MIPOL1: variants seen among roughly 807,000 people sequenced by gnomAD.
MIPOL1 encodes mirror-image polydactyly gene 1 protein.
Under a neutral mutation model 60.9 loss-of-function variants are expected in MIPOL1, and 57 were observed. That is an observed-to-expected ratio of 0.94 (90% confidence interval 0.76 to 1.17). The LOEUF (loss-of-function observed/expected upper bound fraction) is 1.17, where lower values mean the gene tolerates loss of function less well. MIPOL1 is among the 50% of genes most tolerant of loss of function. MIPOL1 has a pLI of 0.00. For missense variants in MIPOL1, 551 were observed against 511.6 expected (o/e 1.08, Z -0.74); for synonymous variants, 179 against 168.8 (o/e 1.06, Z -0.47).
rs962245808 is a variant in MIPOL1 at position 37,200,898 on chromosome 14, G to T, written c.-199+2794G>T. 4.1e-3 allele frequency among the ~76,000 whole-genome samples: 173 copies of T among 42,390 alleles called. 14 individuals carry two copies. The highest frequency in any genetic ancestry group is 0.018 in the African/African-American group (145 of 8,206). The allele number at this position is 42,390 out of a possible 152,430, so 27.8% of individuals were successfully genotyped here. A position where few individuals can be genotyped will look rare whatever the true frequency, so the allele number is the denominator to read the frequency against. On this transcript the variant is annotated intron_variant, in intron 1 of 12. Transcript: ENST00000684589. ...TGTGTGTGTGTGTGTGTGTGTGTGT[G>T]TATTTTTTTTTTTTTTTTTTTTGAG...
chr14:37,521,920 T>TTTTTC (rs398024815), intron 12 of MIPOL1, among the ~76,000 whole-genome samples: 2 of 142,460 alleles, frequency 1.4e-5, no homozygotes, highest in African/African-American at 5.1e-5. Context: ...ATTTTTTTTT[T>TTTTTC]CTTTGGCTTC....
At chr14:37,443,968 T>A (rs2094292770) in intron 11 of MIPOL1, among the ~76,000 whole-genome samples, 1 of 152,134 alleles carries the variant, frequency 6.6e-6, no homozygotes, top group Non-Finnish European at 1.5e-5. Flanking sequence ...TTGTTCAGTC[T>A]GACTGATAAA....
At position 37,381,481 on chromosome 14, in the gene MIPOL1, A is replaced by T. The variant is rs538880664; in HGVS notation, c.936+11857A>T. Among the ~76,000 whole-genome samples the T allele has an allele frequency of 7.4e-4, 113 of 152,156 alleles. 2 individuals are homozygous for T. The South Asian group carries it at 0.023, about 31-fold the overall frequency. ...ATACCTAGCAGAGGTCAGGTTAGGT[A>T]ATAAATATAGGTTAAAGGTTCTTTA... On this transcript the variant is annotated intron_variant, in intron 10 of 12. Transcript: ENST00000684589.
chr14:37,256,537 C>G (rs963714302), intron 3 of MIPOL1, among the ~76,000 whole-genome samples: 4 of 151,884 alleles, frequency 2.6e-5, no homozygotes, highest in Admixed American at 2.0e-4. Flanking sequence ...CTATTTTACT[C>G]AATTGCTTTT....
chr14:37,261,275 G>GA (rs2082502585), intron 3 of MIPOL1, among the ~76,000 whole-genome samples: 1 of 148,692 alleles, frequency 6.7e-6, no homozygotes, highest in Non-Finnish European at 1.5e-5. Flanking sequence ...TGGGCCAAAA[G>GA]AAAAGAGAAA....
chr14:37,267,403 G>A (rs554211421), intron 4 of MIPOL1, among the ~76,000 whole-genome samples: 5 of 152,056 alleles, frequency 3.3e-5, no homozygotes, highest in Non-Finnish European at 5.9e-5. Flanking sequence ...CATGAGAATC[G>A]CTTGAACCTG....
chr14:37,436,541 A>C (rs185395743), intron 11 of MIPOL1, among the ~76,000 whole-genome samples: 2 of 152,376 alleles, frequency 1.3e-5, no homozygotes, highest in East Asian at 3.8e-4. Flanking sequence ...CATTAATTGC[A>C]AAAACAATAA....
intron 1 of MIPOL1, among the ~76,000 whole-genome samples, chr14:37,217,463 T>C (rs1229618995): frequency 1.3e-5 from 2 of 152,096 alleles, no homozygotes; most frequent in African/African-American, 4.8e-5. Context: ...CACAGTCCAA[T>C]CTCTCTGATG....
intron 1 of MIPOL1, among the ~76,000 whole-genome samples, chr14:37,245,698 G>A (rs1165520348): frequency 6.6e-6 from 1 of 152,094 alleles, no homozygotes; most frequent in Non-Finnish European, 1.5e-5. Flanking sequence ...TTTTGAAGAA[G>A]TAAACATTTA....
intron 11 of MIPOL1, among the ~76,000 whole-genome samples, chr14:37,446,605 G>T (rs184551101): frequency 2.0e-4 from 31 of 152,178 alleles, no homozygotes; most frequent in African/African-American, 7.2e-4. Context: ...AATCATTCCA[G>T]TATAAAGACA....
intron 9 of MIPOL1, among the ~76,000 whole-genome samples, chr14:37,361,116 A>C (rs896351196): frequency 3.9e-5 from 6 of 152,130 alleles, no homozygotes; most frequent in Non-Finnish European, 8.8e-5. Flanking sequence ...GCGTTTATGT[A>C]GTTGTGCAGT....
intron 9 of MIPOL1, among the ~76,000 whole-genome samples, chr14:37,368,916 A>C (rs555280103): frequency 6.6e-6 from 1 of 152,068 alleles, no homozygotes; most frequent in Non-Finnish European, 1.5e-5. Context: ...CATTTCACAT[A>C]TCTGTTAACC....
chr14:37,288,878 G>A (rs2084811656), intron 7 of MIPOL1, among the ~76,000 whole-genome samples: 1 of 151,950 alleles, frequency 6.6e-6, no homozygotes, highest in Non-Finnish European at 1.5e-5. Context: ...CATTCTTTCT[G>A]GGCCTGATAA....
intron 12 of MIPOL1, among the ~76,000 whole-genome samples, chr14:37,526,106 T>C (rs1638512897): frequency 1.3e-5 from 2 of 151,796 alleles, no homozygotes. Flanking sequence ...AAAAATGTGA[T>C]AGATAACTTA....
At chr14:37,227,254 A>G (rs1488006615) in intron 1 of MIPOL1, among the ~76,000 whole-genome samples, 4 of 152,198 alleles carry the variant, frequency 2.6e-5, no homozygotes, top group Non-Finnish European at 5.9e-5. Flanking sequence ...CCTGCTTCTT[A>G]GAGACTGCTT....
intron 1 of MIPOL1, among the ~76,000 whole-genome samples, chr14:37,224,206 G>A (rs2139577761): frequency 6.6e-6 from 1 of 152,344 alleles, no homozygotes; most frequent in East Asian, 1.9e-4. Context: ...CCAGGCAGGT[G>A]TGGTGGCTCA....
At chr14:37,316,556 G>A (rs1228095610) in intron 9 of MIPOL1, among the ~76,000 whole-genome samples, 11 of 149,572 alleles carry the variant, frequency 7.4e-5, no homozygotes, top group Non-Finnish European at 1.5e-5. Flanking sequence ...AGAAAAATTG[G>A]CATTAGATGG....
intron 11 of MIPOL1, among the ~76,000 whole-genome samples, chr14:37,460,169 A>G (rs1038672050): frequency 3.9e-5 from 6 of 152,078 alleles, no homozygotes; most frequent in East Asian, 1.9e-4. Context: ...ATACACCACA[A>G]TCAAATGGGT....
chr14:37,287,445 G>C (rs2084668088), intron 7 of MIPOL1, among the ~76,000 whole-genome samples: 1 of 151,836 alleles, frequency 6.6e-6, no homozygotes. Context: ...GTAGAGGTGG[G>C]GTCTCACTGT....
Sources: allele counts gnomAD v4.1 joint callset (sites outside exome capture counted in the v4.1 genomes callset), GRCh38; gene constraint gnomAD v4.1.1; transcripts MANE v1.5; gene names NCBI Gene and HGNC (gene_info 2026-07-23, HGNC 2026-07-21).